The following CLVS1 variants were observed in gnomAD, a reference collection of about 807,000 sequenced individuals.
CLVS1 encodes the protein clavesin 1.
A neutral mutation model predicts 33.1 loss-of-function variants in CLVS1; 10 were observed. That is an observed-to-expected ratio of 0.30 (90% CI 0.19 to 0.51). The LOEUF is 0.51. Among genes scored for constraint, CLVS1 ranks in the 20% least tolerant of loss-of-function variants. CLVS1 has a pLI of 0.97. For missense variants in CLVS1, 343 were observed against 433.4 expected, an observed-to-expected ratio of 0.79 and a Z score of 1.85; for synonymous variants, 163 against 166.1, an observed-to-expected ratio of 0.98 and a Z score of 0.14.
chr8:61,302,707 T>C (rs1810480179), intron 2 of CLVS1, among the ~76,000 whole-genome samples: 1 of 152,226 alleles, frequency 6.6e-6, no homozygotes. Context: ...TATTAGTCCA[T>C]TCTTGCATTG....
the CLVS1 span, among the ~76,000 whole-genome samples, chr8:61,034,702 C>T: frequency 6.6e-6 from 1 of 152,108 alleles, no homozygotes. Flanking sequence ...CCAGGAACAA[C>T]TTTGAGTAAA....
chr8:61,223,849 T>A (rs568749273), intron 2 of CLVS1, among the ~76,000 whole-genome samples: 115 of 152,198 alleles, frequency 7.6e-4, no homozygotes, highest in Non-Finnish European at 1.2e-3. Context: ...CCCATATTTC[T>A]TGGAGGCTTT....
At chr8:61,149,561 A>AC (rs1806484677) in intron 2 of CLVS1, among the ~76,000 whole-genome samples, 1 of 149,768 alleles carries the variant, frequency 6.7e-6, no homozygotes, top group African/African-American at 2.5e-5. Flanking sequence ...CAAAAAAAAA[A>AC]AAAAAAACAA....
rs139572071 is a variant in CLVS1 at position 61,198,896 on chromosome 8, T to C, written c.-152+67036T>C. Among the ~76,000 whole-genome samples, 309 of 152,362 alleles carry C rather than the reference T, an allele frequency of 2.0e-3. 3 individuals carry two copies. Among genetic ancestry groups the C allele is most frequent in the African/African-American group, 7.0e-3 (290 of 41,584 alleles). On this transcript the variant is annotated intron_variant, in intron 2 of 2. Coordinates refer to the CLVS1 transcript ENST00000522621. ...AACCAAGTAGTTTCAAAAGACATTA[T>C]TTCATTCTTTTCCAAGGGTGAGTAG...
At chr8:61,283,710 G>T (rs2052477376), upstream of CLVS1, among the ~76,000 whole-genome samples, 1 of 152,154 alleles carries the variant, frequency 6.6e-6, no homozygotes, top group South Asian at 2.1e-4. Flanking sequence ...ACTAGCCTGA[G>T]AAATTAAACT....
intron 3 of CLVS1, among the ~76,000 whole-genome samples, chr8:61,448,891 T>A (rs778242834): frequency 4.6e-5 from 7 of 152,214 alleles, no homozygotes; most frequent in Non-Finnish European, 1.0e-4. Context: ...ACCTCTGTCA[T>A]CTGGTGTTGT....
Position 61,297,025 on chromosome 8 carries a change from G to A in CLVS1, c.-151-2652G>A, listed in dbSNP as rs28670333. ...ATGAGTTTCAAGTTTACTTCTGAAGGGCAAAGAGGAGTCAATCAGTGGTTA... is the reference window on the plus strand; with the variant it reads ...ATGAGTTTCAAGTTTACTTCTGAAGAGCAAAGAGGAGTCAATCAGTGGTTA... On this transcript the variant is annotated intron_variant, in intron 1 of 5. Coordinates refer to ENST00000325897, the MANE Select transcript of CLVS1 (RefSeq NM_173519.3). Among the ~76,000 whole-genome samples, 832 of 152,282 alleles carry A rather than the reference G, an allele frequency of 5.5e-3. 11 individuals are homozygous for A. Among genetic ancestry groups the A allele is most frequent in the African/African-American group, 0.019 (796 of 41,556 alleles).
intron 3 of CLVS1, among the ~76,000 whole-genome samples, chr8:61,429,864 T>C (rs1816046341): frequency 6.6e-6 from 1 of 152,214 alleles, no homozygotes; most frequent in African/African-American, 2.4e-5. Flanking sequence ...GTGGTAAATT[T>C]TCTCAAGTCA....
intron 2 of CLVS1, among the ~76,000 whole-genome samples, chr8:61,149,277 C>A (rs375332992): frequency 6.6e-6 from 1 of 152,006 alleles, no homozygotes; most frequent in Admixed American, 6.6e-5. Context: ...ATCAGCCAGG[C>A]GCAATGGCTC....
intron 2 of CLVS1, among the ~76,000 whole-genome samples, chr8:61,168,361 CAGA>C (rs1806923946): frequency 6.6e-6 from 1 of 152,156 alleles, no homozygotes. Flanking sequence ...TCCAACAAAG[CAGA>C]CTTAAAAAGA....
chr8:61,140,867 T>A (rs1017328213), intron 2 of CLVS1, among the ~76,000 whole-genome samples: 5 of 152,216 alleles, frequency 3.3e-5, no homozygotes, highest in Admixed American at 1.3e-4. Context: ...TAATTTTTTT[T>A]AAATTAAAAT....
intron 2 of CLVS1, among the ~76,000 whole-genome samples, chr8:61,235,232 C>T (rs1355984010): frequency 1.3e-5 from 2 of 152,186 alleles, no homozygotes; most frequent in Non-Finnish European, 2.9e-5. Flanking sequence ...ACTGTCCTAG[C>T]TGCCTGAGGA....
chr8:61,413,445 G>T (rs1251345690), intron 3 of CLVS1, among the ~76,000 whole-genome samples: 1 of 152,142 alleles, frequency 6.6e-6, no homozygotes, highest in African/African-American at 2.4e-5. Context: ...ACATACAGGG[G>T]AAAGAGTCCA....
chr8:61,385,275 T>C (rs1489957403), intron 3 of CLVS1, among the ~76,000 whole-genome samples: 1 of 152,214 alleles, frequency 6.6e-6, no homozygotes. Flanking sequence ...AGAAGAGATC[T>C]CTGCCTCTCA....
chr8:61,102,451 C>T (rs568427593), intron 1 of CLVS1, among the ~76,000 whole-genome samples: 1 of 152,216 alleles, frequency 6.6e-6, no homozygotes, highest in Admixed American at 6.5e-5. Context: ...ATTTATCTTG[C>T]ATCCTGCAAC....
At chr8:61,086,000 C>G (rs1292364576) in intron 1 of CLVS1, among the ~76,000 whole-genome samples, 2 of 130,288 alleles carry the variant, frequency 1.5e-5, no homozygotes, top group Non-Finnish European at 3.1e-5. Context: ...CACGCCACTG[C>G]ACTCCAGCCT....
chr8:61,205,295 C>A (rs1353518814), intron 2 of CLVS1, among the ~76,000 whole-genome samples: 1 of 152,128 alleles, frequency 6.6e-6, no homozygotes, highest in Non-Finnish European at 1.5e-5. Context: ...AACAAGAACT[C>A]CCTACTCCCT....
intron 2 of CLVS1, among the ~76,000 whole-genome samples, chr8:61,367,317 C>G (rs1244153156): frequency 2.0e-5 from 3 of 152,190 alleles, no homozygotes; most frequent in African/African-American, 7.2e-5. Flanking sequence ...TTTTTACCTT[C>G]CTTTTCATTT....
intron 1 of CLVS1, among the ~76,000 whole-genome samples, chr8:61,073,989 G>A (rs1256453687): frequency 7.4e-6 from 1 of 134,770 alleles, no homozygotes; most frequent in Non-Finnish European, 1.5e-5. Flanking sequence ...TCCAGCCTGG[G>A]CAACAGTGAG....
Sources: allele counts gnomAD v4.1 joint callset (sites outside exome capture counted in the v4.1 genomes callset), GRCh38; gene constraint gnomAD v4.1.1; transcripts MANE v1.5; gene names NCBI Gene and HGNC (gene_info 2026-07-23, HGNC 2026-07-21).